Variants in ARFIP1 observed in about 807,000 individuals in gnomAD.
ARFIP1 encodes arfaptin-1.
Under a neutral mutation model 42.5 loss-of-function variants are expected in ARFIP1, and 24 were observed. That is an observed-to-expected ratio of 0.57 (90% CI 0.41 to 0.80). ARFIP1 has a LOEUF of 0.80. Among genes scored for constraint, ARFIP1 ranks in the 30% least tolerant of loss-of-function variants. The pLI is 0.00. For synonymous variants in ARFIP1, 141 were observed against 153.7 expected, an observed-to-expected ratio of 0.92 and a Z score of 0.61; for missense variants, 354 against 434.0, an observed-to-expected ratio of 0.82 and a Z score of 1.64.
chr4:152,870,635 C>A, intron 3 of ARFIP1, 118 bp from the exon 4 acceptor site: 1 of 688,144 alleles, frequency 1.5e-6, no homozygotes, highest in South Asian at 2.3e-5. Flanking sequence ...ATATTAATTC[C>A]AACTTTTAAT....
chr4:152,831,614 A>G (rs1319330147), intron 2 of ARFIP1, among the ~76,000 whole-genome samples: 1 of 152,186 alleles, frequency 6.6e-6, no homozygotes, highest in Non-Finnish European at 1.5e-5. Context: ...TGGGATAACC[A>G]CATTAACCTA....
intron 1 of ARFIP1, among the ~76,000 whole-genome samples, chr4:152,781,385 G>A (rs892467284): frequency 2.0e-5 from 3 of 151,940 alleles, no homozygotes; most frequent in Non-Finnish European, 4.4e-5. Context: ...ACAGGTAGGC[G>A]CCACTACCGC....
At chr4:152,844,238 C>T (rs749278912) in intron 2 of ARFIP1, among the ~76,000 whole-genome samples, 2 of 152,350 alleles carry the variant, frequency 1.3e-5, no homozygotes, top group Admixed American at 1.3e-4. Flanking sequence ...TTTCCCACTT[C>T]CGTAGTTGGG....
At chr4:152,822,440 GAC>G (rs2149840318) in intron 1 of ARFIP1, among the ~76,000 whole-genome samples, 1 of 151,852 alleles carries the variant, frequency 6.6e-6, no homozygotes, top group East Asian at 1.9e-4. Flanking sequence ...CCTAAGAAAA[GAC>G]ACAGACAGCA....
intron 2 of ARFIP1, among the ~76,000 whole-genome samples, chr4:152,845,638 C>T (rs1039096677): frequency 2.6e-5 from 4 of 152,122 alleles, no homozygotes; most frequent in Middle Eastern, 3.2e-3. Flanking sequence ...CAAATCAAAA[C>T]CACAATGAGA....
intron 1 of ARFIP1, among the ~76,000 whole-genome samples, chr4:152,799,219 GATATAC>G (rs77493024): frequency 0.38 from 57,272 of 151,510 alleles, 11,790 homozygotes; most frequent in Admixed American, 0.49. Flanking sequence ...GTAATGAATA[GATATAC>G]ATATGATTAT....
intron 2 of ARFIP1, among the ~76,000 whole-genome samples, chr4:152,832,835 T>C (rs1309049618): frequency 6.6e-6 from 1 of 152,172 alleles, no homozygotes; most frequent in South Asian, 2.1e-4. Context: ...GACTCTTCTT[T>C]CTATACATAT....
At chr4:152,860,690 G>C (rs1265232828) in intron 2 of ARFIP1, among the ~76,000 whole-genome samples, 6 of 152,172 alleles carry the variant, frequency 3.9e-5, no homozygotes, top group Non-Finnish European at 8.8e-5. Context: ...GCCATTCCCA[G>C]ACACAATCCC....
At position 152,910,880 on chromosome 4, in the gene ARFIP1, C is replaced by G. The variant is rs1738795659; in HGVS notation, c.*661C>G. ...TGAGGCTTTTAAGCTTATGAATTTG[C>G]TTCACCCGAAGTCATTGGACAGTTA... On this transcript the variant is annotated 3_prime_UTR_variant, in exon 9 of 9. Coordinates refer to ENST00000353617, the MANE Select transcript of ARFIP1 (RefSeq NM_001025595.3). 1 of 152,330 alleles carries G rather than the reference C, an allele frequency of 6.6e-6. No homozygotes were observed. The highest frequency in any genetic ancestry group is 2.4e-5 in the African/African-American group (1 of 41,394). The allele number at this position is 152,330 out of a possible 1,614,324, so 9.4% of individuals were successfully genotyped here. A position where few individuals can be genotyped will look rare whatever the true frequency, so the allele number is the denominator to read the frequency against.
intron 3 of ARFIP1, 106 bp from the exon 4 acceptor site, chr4:152,870,647 C>A: frequency 1.3e-6 from 1 of 749,334 alleles, no homozygotes; most frequent in Non-Finnish European, 2.2e-6. Flanking sequence ...ACTTTTAATC[C>A]TAGTGTTTGA....
intron 1 of ARFIP1, 51 bp from the exon 2 acceptor site, chr4:152,829,574 T>G (rs1271461928): frequency 8.0e-7 from 1 of 1,249,980 alleles, no homozygotes; most frequent in Non-Finnish European, 1.1e-6. Flanking sequence ...ATGAATATAG[T>G]CTTTATGATT....
chr4:152,901,990 C>T (rs1490545215), intron 8 of ARFIP1, among the ~76,000 whole-genome samples: 8 of 152,130 alleles, frequency 5.3e-5, no homozygotes, highest in African/African-American at 1.7e-4. Context: ...GTTGCCCTTT[C>T]TTGTCTGTTT....
At chr4:152,880,729 T>G (rs538095947) in intron 5 of ARFIP1, among the ~76,000 whole-genome samples, 1 of 152,314 alleles carries the variant, frequency 6.6e-6, no homozygotes, top group South Asian at 2.1e-4. Context: ...AGAGAGTTCT[T>G]ATGGCAGTAT....
Position 152,782,248 on chromosome 4 carries a change from G to A in ARFIP1, c.-10+2022G>A, listed in dbSNP as rs544979941. On this transcript the variant is annotated intron_variant, in intron 1 of 8. Coordinates refer to ENST00000353617, the MANE Select transcript of ARFIP1 (RefSeq NM_001025595.3). ...GGTGTGTGTGTGTGTGTGTGTGTGT[G>A]TGTGTGTGTGTTTTCCCAAACTGTA... Among the ~76,000 whole-genome samples, 157 of 123,486 alleles carry A rather than the reference G, an allele frequency of 1.3e-3. 1 individual carries two copies. Among genetic ancestry groups the A allele is most frequent in the African/African-American group, 3.8e-3 (144 of 37,484 alleles). 81.0% of individuals were successfully genotyped at this position (123,486 alleles called of 152,430 possible).
At chr4:152,824,885 A>G (rs779642014) in intron 1 of ARFIP1, among the ~76,000 whole-genome samples, 13 of 152,120 alleles carry the variant, frequency 8.5e-5, no homozygotes, top group African/African-American at 3.1e-4. Context: ...TAGCACTGCT[A>G]TACACCAACA....
intron 2 of ARFIP1, among the ~76,000 whole-genome samples, chr4:152,841,783 A>G (rs1732096777): frequency 6.6e-6 from 1 of 152,258 alleles, no homozygotes; most frequent in East Asian, 1.9e-4. Flanking sequence ...GTTTTCCTTT[A>G]TAGGTAACCT....
intron 6 of ARFIP1, 148 bp downstream of exon 6, chr4:152,881,332 A>G: frequency 1.3e-5 from 8 of 638,300 alleles, no homozygotes; most frequent in Non-Finnish European, 1.9e-5. Context: ...CACTTTAAGA[A>G]GGCCCTCTTA....
intron 8 of ARFIP1, among the ~76,000 whole-genome samples, chr4:152,896,056 G>A (rs1415560745): frequency 6.6e-6 from 1 of 152,102 alleles, no homozygotes; most frequent in African/African-American, 2.4e-5. Context: ...CCAGGTGTGT[G>A]TGTTGCGGGG....
chr4:152,795,664 G>A (rs533318820), intron 1 of ARFIP1, among the ~76,000 whole-genome samples: 1 of 152,076 alleles, frequency 6.6e-6, no homozygotes, highest in South Asian at 2.1e-4. Context: ...GCATGTAAGT[G>A]CCTGTTTCCC....
Sources: gnomAD v4.1 joint callset for allele counts (sites outside exome capture counted in the v4.1 genomes callset) on GRCh38, gnomAD v4.1.1 for gene constraint, MANE v1.5 for transcripts, NCBI Gene and HGNC (gene_info 2026-07-23, HGNC 2026-07-21) for gene names.